Variants in BDNF observed in about 807,000 individuals in gnomAD.
BDNF encodes the protein neurotrophic factor BDNF precursor form.
BDNF carries 1 observed loss-of-function variant against 19.5 expected under a neutral mutation model. The ratio of observed to expected loss-of-function variants is 0.05; its 90% CI spans 0.02 to 0.24. BDNF has a LOEUF of 0.24. Among genes scored for constraint, BDNF ranks in the 10% least tolerant of loss-of-function variants. The probability of loss-of-function intolerance (pLI) is 1.00; values close to 1 mark genes in which losing one functional copy is unlikely to be tolerated. For missense variants in BDNF, 195 were observed against 317.6 expected (o/e 0.61, Z 2.93); for synonymous variants, 100 against 121.6 (o/e 0.82, Z 1.17).
chr11:27,666,858 C>T (rs1438246321), intron 1 of BDNF, among the ~76,000 whole-genome samples: 2 of 152,228 alleles, frequency 1.3e-5, no homozygotes, highest in East Asian at 3.9e-4. Context: ...GGATATTATC[C>T]AGGAGAACTT....
At chr11:27,720,699 G>T (rs1382040931) in intron 1 of BDNF, 8 of 985,854 alleles carry the variant, frequency 8.1e-6, no homozygotes, top group Non-Finnish European at 9.6e-6. Context: ...GTGCTGAATG[G>T]ACTCCTATCG....
intron 1 of BDNF, among the ~76,000 whole-genome samples, chr11:27,680,910 T>C (rs1856760048): frequency 6.6e-6 from 1 of 152,138 alleles, no homozygotes; most frequent in Admixed American, 6.6e-5. Context: ...CAAATAAGAA[T>C]CAAAATACAG....
At chr11:27,714,758 A>G (rs1168436111) in intron 1 of BDNF, among the ~76,000 whole-genome samples, 2 of 152,162 alleles carry the variant, frequency 1.3e-5, no homozygotes, top group Non-Finnish European at 2.9e-5. Flanking sequence ...TATCTTTTAT[A>G]TCACTCAAAC....
At chr11:27,659,803 C>A in intron 1 of BDNF, 1 of 558,648 alleles carries the variant, frequency 1.8e-6, no homozygotes. Flanking sequence ...TTAATCTCTT[C>A]CTGTTTGCCA....
At chr11:27,699,456 C>T in intron 1 of BDNF, 1 of 1,614,164 alleles carries the variant, frequency 6.2e-7, no homozygotes, top group African/African-American at 1.3e-5. Flanking sequence ...CCCAACCACT[C>T]CCCGAAAGTC....
At chr11:27,675,068 GT>G in intron 1 of BDNF, 1 of 277,706 alleles carries the variant, frequency 3.6e-6, no homozygotes, top group Non-Finnish European at 5.5e-6. Flanking sequence ...ATATGAACCA[GT>G]GCTGGCTTGC....
intron 1 of BDNF, among the ~76,000 whole-genome samples, chr11:27,678,591 G>A (rs1856476044): frequency 6.6e-6 from 1 of 152,182 alleles, no homozygotes; most frequent in Non-Finnish European, 1.5e-5. Flanking sequence ...ACACGAATGT[G>A]AGATCAATGT....
intron 1 of BDNF, chr11:27,659,640 TGTGTGTGTGC>T (rs1391718060): frequency 2.0e-6 from 2 of 997,960 alleles, no homozygotes; most frequent in African/African-American, 1.8e-5. Context: ...TGTGTGTGTG[TGTGTGTGTGC>T]GCGCGCGCGT....
intron 1 of BDNF, chr11:27,674,650 C>G (rs1296112959): frequency 1.0e-6 from 1 of 985,228 alleles, no homozygotes; most frequent in Non-Finnish European, 1.2e-6. Context: ...TAGAATGCAC[C>G]TATATGGAAA....
At chr11:27,660,785 AAAG>A (rs1350305647) in intron 1 of BDNF, among the ~76,000 whole-genome samples, 4 of 152,074 alleles carry the variant, frequency 2.6e-5, no homozygotes, top group Non-Finnish European at 4.4e-5. Context: ...AAAAAAAAAA[AAAG>A]AATTAATGAA....
intron 1 of BDNF, chr11:27,659,629 CTGTG>C (rs55917552): frequency 1.7e-5 from 17 of 982,584 alleles, no homozygotes; most frequent in Non-Finnish European, 2.0e-5. Flanking sequence ...GATGTTCTCT[CTGTG>C]TGTGTGTGTG....
chr11:27,702,591 ATAAACAGTTTCCTTTCCTGGACCCTCTTG>A (rs1859953316), upstream of BDNF, among the ~76,000 whole-genome samples: 1 of 152,236 alleles, frequency 6.6e-6, no homozygotes, highest in Non-Finnish European at 1.5e-5. Context: ...GGAAAGATTT[ATAAACAGTTTCCTTTCCTGGACCCTCTTG>A]TGGTTACCAA....
intron 1 of BDNF, among the ~76,000 whole-genome samples, chr11:27,718,354 A>ACCCCCCCCCCCCCCCCCCCCCCCCCCC (rs376255605): frequency 9.9e-6 from 1 of 101,112 alleles, no homozygotes; most frequent in Non-Finnish European, 2.0e-5. Flanking sequence ...TCCGCACACC[A>ACCCCCCCCCCCCCCCCCCCCCCCCCCC]CCCCCCCCCG....
In BDNF at chr11:27,658,401, C is replaced by T. The variant is rs1488864054; in HGVS notation, c.164G>A (p.Gly55Asp). 6.2e-7 allele frequency: 1 copy of T among 1,614,198 alleles called. No individual in the cohort carries two copies. The highest frequency in any genetic ancestry group is 8.5e-7 in the Non-Finnish European group (1 of 1,180,038). The change falls in exon 2 of 2, where the codon GGC becomes GAC. Residue 55 changes from glycine to aspartate, a missense_variant. By Grantham distance (94) the Gly-to-Asp change is moderately conservative. Around this residue, in one of 2 missense-constraint regions of BDNF, gnomAD observed 124 missense variants for 155.0 expected, o/e 0.80. Transcript: ENST00000356660. This position sits in a 1 kb window ranked among gnomAD's most constrained non-coding sequence, Gnocchi z 5.7. Reference protein sequence around the residue: ...SVNGPKAGSRGLTSLADTFEH... With the variant: ...SVNGPKAGSRDLTSLADTFEH... Reference sequence around the variant, plus strand: ...GAAAGTGTCAGCCAATGATGTCAAGCCTCTTGAACCTGCCTTGGGCCCATT... The same window carrying T: ...GAAAGTGTCAGCCAATGATGTCAAGTCTCTTGAACCTGCCTTGGGCCCATT...
upstream of BDNF, among the ~76,000 whole-genome samples, chr11:27,702,316 G>T (rs938420500): frequency 4.6e-5 from 7 of 152,272 alleles, no homozygotes; most frequent in African/African-American, 1.7e-4. Flanking sequence ...AGTAGGGGTG[G>T]GGCAGGGCCC....
At chr11:27,668,836 A>G (rs1854826526) in intron 1 of BDNF, among the ~76,000 whole-genome samples, 1 of 152,208 alleles carries the variant, frequency 6.6e-6, no homozygotes, top group Admixed American at 6.5e-5. Flanking sequence ...CCAGAGGTAT[A>G]AGGAGGAGCT....
chr11:27,695,890 T>C (rs1858930280), intron 1 of BDNF, among the ~76,000 whole-genome samples: 1 of 152,012 alleles, frequency 6.6e-6, no homozygotes, highest in Non-Finnish European at 1.5e-5. Flanking sequence ...CTACTTGAAC[T>C]TAAATACTTA....
Position 27,693,159 on chromosome 11 carries a change from T to C in BDNF, c.-22+7005A>G, listed in dbSNP as rs893146899. Among the ~76,000 whole-genome samples the C allele has an allele frequency of 7.2e-5, 11 of 152,370 alleles. No individual in the cohort carries two copies. In the East Asian group the frequency reaches 2.1e-3, roughly 29 times the overall value. Reference sequence around the variant, plus strand: ...TTATTTCATTTCCTTGAACTGATGATAATATTCTAGATACAGTCTATTTAA... The same window carrying C: ...TTATTTCATTTCCTTGAACTGATGACAATATTCTAGATACAGTCTATTTAA... On this transcript the variant is annotated intron_variant, in intron 1 of 1. Transcript: ENST00000356660.
intron 1 of BDNF, among the ~76,000 whole-genome samples, chr11:27,662,147 CCCA>C (rs1187055490): frequency 6.6e-6 from 1 of 152,048 alleles, no homozygotes; most frequent in African/African-American, 2.4e-5. Context: ...ATTACAGGCG[CCCA>C]CCACCATGCC....
Sources: gnomAD v4.1 joint callset for allele counts (sites outside exome capture counted in the v4.1 genomes callset) on GRCh38, gnomAD v4.1.1 for gene constraint, gnomAD v4.1.1 regional missense constraint, Gnocchi (gnomAD v3.1) non-coding constraint, MANE v1.5 for transcripts, NCBI Gene and HGNC (gene_info 2026-07-23, HGNC 2026-07-21) for gene names.